The following PRTN3 variants were observed in gnomAD, a reference collection of about 807,000 sequenced individuals.
PRTN3 encodes proteinase 3, also known as myeloblastin.
In PRTN3, 22 loss-of-function variants were observed where a neutral mutation model predicts 20.7. The observed-to-expected ratio is 1.06, with a 90% CI of 0.76 to 1.52. PRTN3 has a LOEUF of 1.52. Among genes scored for constraint, PRTN3 ranks in the 40% most tolerant of loss-of-function variants. The probability of loss-of-function intolerance (pLI) is 0.00; values close to 1 mark genes in which losing one functional copy is unlikely to be tolerated. For missense variants in PRTN3, 378 were observed against 359.6 expected (o/e 1.05, Z -0.41); for synonymous variants, 173 against 152.9 (o/e 1.13, Z -0.97).
chr19:842,502 C>T (rs1745320737), intron 1 of PRTN3, among the ~76,000 whole-genome samples: 1 of 138,946 alleles, frequency 7.2e-6, no homozygotes, highest in African/African-American at 2.8e-5. Flanking sequence ...TCACTGCAAC[C>T]TGTGCCTCCT....
intron 4 of PRTN3, among the ~76,000 whole-genome samples, chr19:847,358 A>AC (rs1006176345): frequency 1.3e-5 from 2 of 150,962 alleles, no homozygotes; most frequent in Admixed American, 1.3e-4. Flanking sequence ...AATCACTTGA[A>AC]CCCGGGAGGC....
Position 847,939 on chromosome 19 carries a change from G to T in PRTN3, c.741G>T (p.Leu247=). The change falls in exon 5 of 5, where the codon CTG becomes CTT. Residue 247 remains leucine (L), a synonymous_variant. Transcript: ENST00000234347. ...ALYVDWIRST[L]RRVEAKGRP is the part of the protein sequence containing the mutation. ...ACGTGGACTGGATCCGTTCCACGCTGCGCCGTGTGGAGGCCAAGGGCCGCC... is the reference window on the plus strand; with the variant it reads ...ACGTGGACTGGATCCGTTCCACGCTTCGCCGTGTGGAGGCCAAGGGCCGCC... The T allele has an allele frequency of 6.2e-7, 1 of 1,605,482 alleles. No individual in the cohort carries two copies. Among genetic ancestry groups the T allele is most frequent in the South Asian group, 1.1e-5 (1 of 89,724 alleles).
chr19:843,705 C>T lies in PRTN3; in HGVS notation c.227+79C>T, dbSNP rs552881849. 249 of 1,492,382 alleles carry T rather than the reference C, an allele frequency of 1.7e-4. 1 individual carries two copies. The East Asian group carries it at 6.1e-3, about 37-fold the overall frequency. 92.4% of individuals were successfully genotyped at this position (1,492,382 alleles called of 1,614,324 possible). On this transcript the variant is annotated intron_variant, in intron 2 of 4. Coordinates refer to ENST00000234347, the MANE Select transcript of PRTN3 (RefSeq NM_002777.4). ...CCTGGCCCGGCCACTGTCCCTCTGCCCGGGGAGGACCCAGCTAAGCCCCGT... is the reference window on the plus strand; with the variant it reads ...CCTGGCCCGGCCACTGTCCCTCTGCTCGGGGAGGACCCAGCTAAGCCCCGT...
intron 1 of PRTN3, among the ~76,000 whole-genome samples, chr19:842,007 G>A (rs1284779801): frequency 1.3e-5 from 2 of 148,304 alleles, no homozygotes; most frequent in African/African-American, 2.5e-5. Flanking sequence ...GATTACAGGC[G>A]TGAGCCACCG....
At chr19:847,557 G>GAAAA (rs55921706) in intron 4 of PRTN3, among the ~76,000 whole-genome samples, 9 of 121,964 alleles carry the variant, frequency 7.4e-5, no homozygotes, top group African/African-American at 3.0e-4. Context: ...GAAAAAGAAA[G>GAAAA]AGAGAGAGAG....
chr19:843,388 C>G, intron 1 of PRTN3, 73 bp from the exon 2 acceptor site: 1 of 1,441,056 alleles, frequency 6.9e-7, no homozygotes, highest in South Asian at 1.4e-5. Context: ...CGGAGAGGCC[C>G]AGGGGCTGCT....
chr19:846,773 C>CTT (rs2035523300), intron 4 of PRTN3, among the ~76,000 whole-genome samples: 1 of 152,112 alleles, frequency 6.6e-6, no homozygotes, highest in Admixed American at 6.5e-5. Flanking sequence ...GACGGAGTGT[C>CTT]GCTCTGTTGT....
intron 3 of PRTN3, among the ~76,000 whole-genome samples, chr19:844,267 G>GCACGCCTCTCCCCCGCC (rs1255206566): frequency 9.0e-5 from 1 of 11,094 alleles, no homozygotes; most frequent in Non-Finnish European, 1.5e-4. Context: ...CCTCTCCCCT[G>GCACGCCTCTCCCCCGCC]CGCGCCTCTC....
intron 4 of PRTN3, among the ~76,000 whole-genome samples, chr19:847,409 C>T (rs950006040): frequency 2.6e-5 from 4 of 151,490 alleles, no homozygotes; most frequent in Non-Finnish European, 5.9e-5. Flanking sequence ...TGCACTCCAG[C>T]CTGGGTGACA....
chr19:841,458 G>A (rs534201060), intron 1 of PRTN3, among the ~76,000 whole-genome samples: 9 of 152,170 alleles, frequency 5.9e-5, no homozygotes, highest in Middle Eastern at 3.4e-3. Context: ...ACAAATGAAT[G>A]AGTGAATGAA....
rs967208207 is a variant in PRTN3 at position 841,003 on chromosome 19, C to A, written c.-6C>A. On this transcript the variant is annotated 5_prime_UTR_variant, in exon 1 of 5. Transcript: ENST00000234347. ...GCTTGACCGTGGGTGCACCCTGGAC[C>A]CCACCATGGCTCACCGGCCCCCCAG... 2.5e-6 allele frequency: 4 copies of A among 1,609,210 alleles called. No individual in the cohort carries two copies. The African/African-American group carries it at 4.0e-5, about 16-fold the overall frequency.
chr19:844,184 G>C (rs983085803), intron 3 of PRTN3, 150 bp downstream of exon 3: 9 of 1,085,844 alleles, frequency 8.3e-6, no homozygotes, highest in Middle Eastern at 3.1e-4. Flanking sequence ...CTGGCCGGGG[G>C]AGACCGCTCC....
intron 3 of PRTN3, among the ~76,000 whole-genome samples, chr19:845,551 T>C (rs1307606035): frequency 6.6e-6 from 1 of 151,400 alleles, no homozygotes; most frequent in African/African-American, 2.4e-5. Context: ...CCGTGTCTAC[T>C]AAAAATACAA....
chr19:846,461 C>A, intron 4 of PRTN3, 84 bp downstream of exon 4: 3 of 1,321,326 alleles, frequency 2.3e-6, no homozygotes, highest in African/African-American at 1.5e-5. Flanking sequence ...CACCTCTTAG[C>A]TGTGTGGCTT....
chr19:841,561 T>G (rs574483448), intron 1 of PRTN3, among the ~76,000 whole-genome samples: 3 of 50,246 alleles, frequency 6.0e-5, no homozygotes, highest in Admixed American at 2.9e-4. Flanking sequence ...AATGAGTGAA[T>G]GAGTGAATGA....
In PRTN3 at chr19:848,107, A is replaced by C; in HGVS notation, c.*138A>C. On this transcript the variant is annotated 3_prime_UTR_variant, in exon 5 of 5. Coordinates refer to ENST00000234347, the MANE Select transcript of PRTN3 (RefSeq NM_002777.4). ...CACCCGTCCCCCCACACTCCCTCCC[A>C]CGGGGCTCCGGGAGACAGGCCGGCC... 22 of 1,096,018 alleles carry C rather than the reference A, an allele frequency of 2.0e-5. No homozygotes were observed. Among genetic ancestry groups the C allele is most frequent in the South Asian group, 3.2e-5 (2 of 61,844 alleles). The allele number at this position is 1,096,018 out of a possible 1,614,324, so 67.9% of individuals were successfully genotyped here.
chr19:847,810 T>C lies in PRTN3; in HGVS notation c.612T>C (p.Gly204=). Residue 204 remains glycine (G), a synonymous_variant, in exon 5 of 5, where the codon GGT becomes GGC. Transcript: ENST00000234347. ...RKAGICFGDS[G]GPLICDGIIQ... is the part of the protein sequence containing the mutation. ...TCCCTGTCCTCCAGGGAGACTCAGG[T>C]GGCCCCCTGATCTGTGATGGCATCA... is the stretch of plus-strand genomic sequence containing the variant. 1 of 1,607,884 alleles carries C rather than the reference T, an allele frequency of 6.2e-7. No homozygotes were observed. Among genetic ancestry groups the C allele is most frequent in the Non-Finnish European group, 8.5e-7 (1 of 1,177,006 alleles).
intron 1 of PRTN3, among the ~76,000 whole-genome samples, chr19:841,684 G>A (rs1187426227): frequency 1.3e-5 from 2 of 151,892 alleles, no homozygotes; most frequent in African/African-American, 2.4e-5. Flanking sequence ...AAGAGAGCAT[G>A]GGCCCCCTCA....
At chr19:842,026 C>A (rs2035451242) in intron 1 of PRTN3, among the ~76,000 whole-genome samples, 2 of 45,588 alleles carry the variant, frequency 4.4e-5, no homozygotes, top group Admixed American at 3.4e-4. Context: ...CGCGCCTGGC[C>A]CTTTTTTTTT....
Sources: allele counts gnomAD v4.1 joint callset (sites outside exome capture counted in the v4.1 genomes callset), GRCh38; gene constraint gnomAD v4.1.1; transcripts MANE v1.5; gene names NCBI Gene and HGNC (gene_info 2026-07-23, HGNC 2026-07-21).